The following ZBTB7C variants were observed in gnomAD, a reference collection of about 807,000 sequenced individuals.
ZBTB7C encodes the protein zinc finger and BTB domain-containing protein 7C.
ZBTB7C carries 8 observed loss-of-function variants against 25.7 expected under a neutral mutation model. The ratio of observed to expected loss-of-function variants is 0.31; its 90% CI spans 0.18 to 0.56. The LOEUF is 0.56. Ranked by LOEUF, ZBTB7C falls within the 20% of genes least tolerant of loss-of-function variation. The pLI is 0.91. For synonymous variants in ZBTB7C, 394 were observed against 369.0 expected (o/e 1.07, Z -0.78); for missense variants, 824 against 855.2 (o/e 0.96, Z 0.46).
intron 3 of ZBTB7C, among the ~76,000 whole-genome samples, chr18:48,085,360 C>T (rs2038155169): frequency 6.6e-6 from 1 of 152,178 alleles, no homozygotes; most frequent in South Asian, 2.1e-4. Flanking sequence ...ACCTCTCCCC[C>T]AGGAGAAGTC....
chr18:48,345,508 G>T (rs8090729), intron 1 of ZBTB7C, among the ~76,000 whole-genome samples: 13,908 of 152,042 alleles, frequency 0.091, 860 homozygotes, highest in African/African-American at 0.17. Context: ...GGTGCCCTGC[G>T]CACTTCTGTT....
At chr18:48,411,531 T>G (rs2048384094), upstream of ZBTB7C, among the ~76,000 whole-genome samples, 1 of 152,266 alleles carries the variant, frequency 6.6e-6, no homozygotes, top group Non-Finnish European at 1.5e-5. Flanking sequence ...CTTGGAATGC[T>G]GCTGACCCAG....
chr18:48,198,348 A>T (rs1041810301), intron 2 of ZBTB7C, among the ~76,000 whole-genome samples: 1 of 152,204 alleles, frequency 6.6e-6, no homozygotes. Flanking sequence ...GACACACTGC[A>T]TCAGTTTCGA....
chr18:48,304,190 A>C (rs373555448), intron 2 of ZBTB7C, among the ~76,000 whole-genome samples: 1 of 152,154 alleles, frequency 6.6e-6, no homozygotes, highest in Non-Finnish European at 1.5e-5. Flanking sequence ...GCCTGCTTCT[A>C]ATGTTCTGAT....
chr18:48,217,711 C>T (rs75591216), intron 2 of ZBTB7C, among the ~76,000 whole-genome samples: 4,462 of 152,250 alleles, frequency 0.029, 73 homozygotes, highest in African/African-American at 0.041. Flanking sequence ...ACCCCACTGC[C>T]CCAACTCACA....
chr18:48,053,112 T>C (rs2036762667), intron 3 of ZBTB7C, among the ~76,000 whole-genome samples: 2 of 152,224 alleles, frequency 1.3e-5, no homozygotes, highest in Admixed American at 6.5e-5. Flanking sequence ...AGTAGAGTGA[T>C]GACGACTCAA....
chr18:48,276,189 C>G (rs1010343046), intron 2 of ZBTB7C, among the ~76,000 whole-genome samples: 2 of 149,842 alleles, frequency 1.3e-5, no homozygotes, highest in African/African-American at 2.5e-5. Flanking sequence ...GAAAAACAAC[C>G]CTCTTCATTC....
Position 48,029,311 on chromosome 18 carries a change from A to G in ZBTB7C, c.1809T>C (p.Pro603=). Reference sequence around the variant, plus strand: ...CCACGTGGTTGAGGCCGGCGAGCCCAGGGAGGCCGGCCAGGCCGGCGGCCC... The same window carrying G: ...CCACGTGGTTGAGGCCGGCGAGCCCGGGGAGGCCGGCCAGGCCGGCGGCCC... The part of the protein sequence containing the change: ...DPWAAGLAGL[P]GLAGLNHVAS... Residue 603 remains proline (P), a synonymous_variant, in exon 5 of 5, where the codon CCT becomes CCC. Coordinates refer to ENST00000590800, the MANE Select transcript of ZBTB7C (RefSeq NM_001318841.2). 6.5e-7 allele frequency: 1 copy of G among 1,537,106 alleles called. No individual in the cohort carries two copies. The highest frequency in any genetic ancestry group is 8.7e-7 in the Non-Finnish European group (1 of 1,147,574).
At chr18:48,302,580 C>T (rs997276274) in intron 2 of ZBTB7C, among the ~76,000 whole-genome samples, 5 of 152,224 alleles carry the variant, frequency 3.3e-5, no homozygotes, top group African/African-American at 1.2e-4. Flanking sequence ...CATTGCACAG[C>T]ATGTTCAATA....
chr18:48,311,780 TA>T (rs1433103801), intron 2 of ZBTB7C, among the ~76,000 whole-genome samples: 1 of 152,212 alleles, frequency 6.6e-6, no homozygotes, highest in Non-Finnish European at 1.5e-5. Flanking sequence ...GTTATTCCAT[TA>T]AAAATTTGCT....
At chr18:48,073,083 T>C (rs1243376628) in intron 3 of ZBTB7C, among the ~76,000 whole-genome samples, 1 of 152,212 alleles carries the variant, frequency 6.6e-6, no homozygotes, top group Non-Finnish European at 1.5e-5. Flanking sequence ...AGGCCCAGTT[T>C]GGCCATGGAA....
intron 2 of ZBTB7C, among the ~76,000 whole-genome samples, chr18:48,278,406 G>C (rs1240461489): frequency 6.6e-6 from 1 of 151,914 alleles, no homozygotes; most frequent in Non-Finnish European, 1.5e-5. Context: ...AGAGAGAAAA[G>C]CTGTCTCCAC....
At chr18:48,064,071 T>C (rs1215505663) in intron 3 of ZBTB7C, among the ~76,000 whole-genome samples, 1 of 152,076 alleles carries the variant, frequency 6.6e-6, no homozygotes, top group Non-Finnish European at 1.5e-5. Flanking sequence ...AATGAGAAGG[T>C]GGCCCCAGTC....
intron 1 of ZBTB7C, among the ~76,000 whole-genome samples, chr18:48,398,792 C>T (rs1271561670): frequency 1.3e-5 from 2 of 152,122 alleles, no homozygotes; most frequent in Non-Finnish European, 2.9e-5. Flanking sequence ...ACACTGATTT[C>T]ATAAATCAGT....
chr18:48,125,194 G>A (rs2039761037), intron 3 of ZBTB7C, among the ~76,000 whole-genome samples: 1 of 152,154 alleles, frequency 6.6e-6, no homozygotes. Flanking sequence ...AAACAACCTG[G>A]GACTCAGAAG....
chr18:48,224,894 A>C (rs888192576), intron 2 of ZBTB7C, among the ~76,000 whole-genome samples: 1 of 152,234 alleles, frequency 6.6e-6, no homozygotes, highest in Non-Finnish European at 1.5e-5. Flanking sequence ...TAACTCAAGC[A>C]ACTACTTTTA....
intron 2 of ZBTB7C, among the ~76,000 whole-genome samples, chr18:48,232,615 T>G (rs920211255): frequency 2.4e-4 from 36 of 151,926 alleles, no homozygotes; most frequent in African/African-American, 8.5e-4. Context: ...TAAAATGGAT[T>G]GTTATTTTAA....
At chr18:48,248,362 T>G (rs932075297) in intron 2 of ZBTB7C, among the ~76,000 whole-genome samples, 3 of 152,146 alleles carry the variant, frequency 2.0e-5, no homozygotes, top group Non-Finnish European at 2.9e-5. Context: ...ACTAATACAC[T>G]CAGGATGCCA....
At chr18:48,124,449 C>A (rs1272702711) in intron 3 of ZBTB7C, among the ~76,000 whole-genome samples, 1 of 152,218 alleles carries the variant, frequency 6.6e-6, no homozygotes, top group African/African-American at 2.4e-5. Context: ...TTTGCACATG[C>A]TTTTACTACT....
Sources: allele counts gnomAD v4.1 joint callset (sites outside exome capture counted in the v4.1 genomes callset), GRCh38; gene constraint gnomAD v4.1.1; transcripts MANE v1.5; gene names NCBI Gene and HGNC (gene_info 2026-07-23, HGNC 2026-07-21).